Variants in NLGN4Y observed in about 807,000 individuals in gnomAD.
NLGN4Y encodes neuroligin-4, Y-linked.
In NLGN4Y, 4 loss-of-function variants were observed where a neutral mutation model predicts 8.4. The ratio of observed to expected loss-of-function variants is 0.48; its 90% CI spans 0.23 to 1.09. The LOEUF is 1.09. NLGN4Y is among the 50% of genes least tolerant of loss of function. The pLI, the probability that NLGN4Y is intolerant of heterozygous loss-of-function variation, is 0.19. For synonymous variants in NLGN4Y, 35 were observed against 75.6 expected, an observed-to-expected ratio of 0.46 and a Z score of 2.78; for missense variants, 90 against 192.3, an observed-to-expected ratio of 0.47 and a Z score of 3.15.
intron 1 of NLGN4Y, among the ~76,000 whole-genome samples, chrY:14,534,684 G>A (rs2080124953): frequency 3.1e-5 from 1 of 32,416 alleles, no homozygotes; most frequent in Non-Finnish European, 7.5e-5. Flanking sequence ...CTATATTAAC[G>A]ATAGGCTAAT....
intron 4 of NLGN4Y, among the ~76,000 whole-genome samples, chrY:14,800,117 G>C: frequency 3.0e-5 from 1 of 33,005 alleles, no homozygotes; most frequent in Non-Finnish European, 7.4e-5. Flanking sequence ...ATCTGATTAT[G>C]GATGAAAGTA....
chrY:14,612,596 C>G, intron 1 of NLGN4Y, among the ~76,000 whole-genome samples: 1 of 33,574 alleles, frequency 3.0e-5, no homozygotes, highest in Non-Finnish European at 7.4e-5. Context: ...ACTCCAGACC[C>G]TGTTTTCCTG....
At chrY:14,677,853 A>T in intron 2 of NLGN4Y, among the ~76,000 whole-genome samples, 1 of 31,927 alleles carries the variant, frequency 3.1e-5, no homozygotes, top group East Asian at 8.3e-4. Context: ...CCTTCCGAGT[A>T]TCTGGGAATA....
chrY:14,744,165 A>C, intron 4 of NLGN4Y, among the ~76,000 whole-genome samples: 2 of 33,666 alleles, frequency 5.9e-5, no homozygotes, highest in African/African-American at 2.3e-4. Context: ...AGTTTGATGA[A>C]CGGCACTTAT....
chrY:14,523,890 G>A, upstream of NLGN4Y: 1 of 71,187 alleles, frequency 1.4e-5, no homozygotes, highest in Non-Finnish European at 3.1e-5. Flanking sequence ...GCGTGAAGAT[G>A]AAATGACTGT....
intron 4 of NLGN4Y, among the ~76,000 whole-genome samples, chrY:14,795,903 G>A: frequency 3.1e-5 from 1 of 32,728 alleles, no homozygotes; most frequent in Non-Finnish European, 7.5e-5. Flanking sequence ...AGAATTCTTG[G>A]TGCAGTGGAG....
At chrY:14,815,389 C>T in intron 4 of NLGN4Y, among the ~76,000 whole-genome samples, 1 of 32,873 alleles carries the variant, frequency 3.0e-5, no homozygotes, top group Non-Finnish European at 7.5e-5. Flanking sequence ...AATGGTCATG[C>T]AGGGAGAATG....
upstream of NLGN4Y, chrY:14,524,282 A>G: frequency 1.2e-5 from 1 of 82,063 alleles, no homozygotes; most frequent in South Asian, 6.2e-5. Flanking sequence ...GCCAGTCCCT[A>G]AGGTAGGGAT....
chrY:14,697,822 A>G (rs2080836987), intron 2 of NLGN4Y, among the ~76,000 whole-genome samples: 5 of 32,681 alleles, frequency 1.5e-4, no homozygotes, highest in African/African-American at 3.6e-4. Flanking sequence ...TTACATTTCT[A>G]TTAGTAGCAT....
intron 4 of NLGN4Y, among the ~76,000 whole-genome samples, chrY:14,776,560 C>T (rs2081126669): frequency 3.2e-5 from 1 of 31,606 alleles, no homozygotes; most frequent in African/African-American, 1.2e-4. Flanking sequence ...AGACACATGG[C>T]TATAATTAGT....
intron 4 of NLGN4Y, among the ~76,000 whole-genome samples, chrY:14,782,219 T>G: frequency 3.0e-5 from 1 of 33,209 alleles, no homozygotes; most frequent in Admixed American, 2.7e-4. Flanking sequence ...TCAGGTTTAA[T>G]GTCAAGTCAG....
At chrY:14,751,168 T>C (rs2081039882) in intron 4 of NLGN4Y, among the ~76,000 whole-genome samples, 2 of 33,932 alleles carry the variant, frequency 5.9e-5, no homozygotes, top group African/African-American at 2.3e-4. Context: ...TCACACTCCA[T>C]ATTTCCATTT....
rs201790195 is a variant in NLGN4Y, at chrY:14,706,803, T to A, written c.473-12656T>A. Among the ~76,000 whole-genome samples the A allele has an allele frequency of 1.4e-3, 31 of 22,400 alleles. No homozygotes were observed. The East Asian group carries it at 0.024, about 18-fold the overall frequency. The allele number at this position is 22,400 out of a possible 37,273, so 60.1% of individuals were successfully genotyped here. On this transcript the variant is annotated intron_variant, in intron 2 of 6. Transcript: ENST00000684976. ...ATAATCTCATTTAAAAAAAAATATA[T>A]ATATATATATATATATATGTATGAT...
intron 1 of NLGN4Y, among the ~76,000 whole-genome samples, chrY:14,592,236 G>A: frequency 9.1e-5 from 3 of 32,805 alleles, no homozygotes; most frequent in Admixed American, 2.8e-4. Context: ...CTGAGTTAGA[G>A]GTAGGAGTAA....
chrY:14,703,146 G>A (rs2080861142), intron 2 of NLGN4Y, among the ~76,000 whole-genome samples: 2 of 33,046 alleles, frequency 6.1e-5, no homozygotes, highest in Non-Finnish European at 7.4e-5. Flanking sequence ...GTTTTGCTGT[G>A]CAGAAGCTCT....
intron 4 of NLGN4Y, 26 bp downstream of exon 4, chrY:14,723,295 C>G: frequency 2.6e-6 from 1 of 387,056 alleles, no homozygotes; most frequent in Non-Finnish European, 3.7e-6. Flanking sequence ...ATGTGAATGA[C>G]TAAGCAAGAG....
chrY:14,659,457 G>T, intron 2 of NLGN4Y, among the ~76,000 whole-genome samples: 1 of 32,684 alleles, frequency 3.1e-5, no homozygotes, highest in Non-Finnish European at 7.5e-5. Flanking sequence ...TATTACAAAT[G>T]CCTCCAAGGG....
intron 2 of NLGN4Y, among the ~76,000 whole-genome samples, chrY:14,641,892 G>A (rs2080592579): frequency 3.0e-5 from 1 of 33,603 alleles, no homozygotes; most frequent in Non-Finnish European, 7.4e-5. Flanking sequence ...CCTCCCCTTT[G>A]AGTGTAGGGA....
chrY:14,590,503 T>C, intron 1 of NLGN4Y, among the ~76,000 whole-genome samples: 1 of 33,640 alleles, frequency 3.0e-5, no homozygotes, highest in Non-Finnish European at 7.4e-5. Flanking sequence ...TGCCAGCAAG[T>C]CGGTCCAGGG....
Sources: allele counts gnomAD v4.1 joint callset (sites outside exome capture counted in the v4.1 genomes callset), GRCh38; gene constraint gnomAD v4.1.1; transcripts MANE v1.5; gene names NCBI Gene and HGNC (gene_info 2026-07-23, HGNC 2026-07-21).